MALRD1: variants seen among roughly 807,000 people sequenced by gnomAD.
The protein encoded by MALRD1 is MAM and LDL-receptor class A domain-containing protein 1.
A neutral mutation model predicts 242.1 loss-of-function variants in MALRD1; 247 were observed. The ratio of observed to expected loss-of-function variants is 1.02; its 90% CI spans 0.92 to 1.13. The LOEUF is 1.13. MALRD1 is among the 50% of genes most tolerant of loss of function. MALRD1 has a pLI of 0.00. For synonymous variants in MALRD1, 995 were observed against 866.6 expected, an observed-to-expected ratio of 1.15 and a Z score of -2.60; for missense variants, 2,989 against 2,533.1, an observed-to-expected ratio of 1.18 and a Z score of -3.86.
At chr10:19,101,185 C>CTTATTTAACAT (rs916130321) in intron 4 of MALRD1, among the ~76,000 whole-genome samples, 2 of 150,352 alleles carry the variant, frequency 1.3e-5, no homozygotes, top group African/African-American at 2.4e-5. Flanking sequence ...ATAAGTTCTC[C>CTTATTTAACAT]AAGGTCCTGT....
chr10:19,600,217 A>G (rs1216698077), intron 34 of MALRD1, among the ~76,000 whole-genome samples: 2 of 152,160 alleles, frequency 1.3e-5, no homozygotes, highest in African/African-American at 2.4e-5. Flanking sequence ...TGATCCCAAC[A>G]TCCGATAGTG....
At position 19,369,178 on chromosome 10, in the gene MALRD1, AAT is replaced by A. The variant is rs564955446; in HGVS notation, c.4441+16886_4441+16887del. ...ATAAACTAATATTTATATATAAACTAATATATTATATATAAGCTAATATTTAA... is the reference window on the plus strand; with the variant it reads ...ATAAACTAATATTTATATATAAACTAATATTATATATAAGCTAATATTTAA... On this transcript the variant is annotated intron_variant, in intron 26 of 39. Transcript: ENST00000454679. Among the ~76,000 whole-genome samples, 640 of 89,628 alleles carry A rather than the reference AAT, an allele frequency of 7.1e-3. 5 individuals are homozygous for A. The highest frequency in any genetic ancestry group is 0.026 in the African/African-American group (610 of 23,112). The allele number at this position is 89,628 out of a possible 152,430, so 58.8% of individuals were successfully genotyped here.
intron 36 of MALRD1, among the ~76,000 whole-genome samples, chr10:19,629,143 G>A (rs901973293): frequency 6.6e-6 from 1 of 152,122 alleles, no homozygotes; most frequent in African/African-American, 2.4e-5. Context: ...AGCAAGCCTC[G>A]TGATATGTTT....
intron 33 of MALRD1, among the ~76,000 whole-genome samples, chr10:19,580,853 A>G (rs1281640944): frequency 6.6e-6 from 1 of 152,262 alleles, no homozygotes; most frequent in East Asian, 1.9e-4. Context: ...TGGCCAAACA[A>G]GCCTTCCTGA....
At chr10:19,412,248 G>A (rs1457947610) in intron 28 of MALRD1, among the ~76,000 whole-genome samples, 9 of 152,284 alleles carry the variant, frequency 5.9e-5, no homozygotes, top group African/African-American at 1.4e-4. Flanking sequence ...CCGAAATCAC[G>A]CCATTGCACT....
chr10:19,638,246 T>C (rs1840234693), intron 36 of MALRD1, among the ~76,000 whole-genome samples: 1 of 152,208 alleles, frequency 6.6e-6, no homozygotes, highest in African/African-American at 2.4e-5. Flanking sequence ...TGCCAAAGGC[T>C]ACTTTTTTTC....
intron 2 of MALRD1, among the ~76,000 whole-genome samples, chr10:19,085,896 G>A (rs970723940): frequency 3.4e-4 from 51 of 151,914 alleles, no homozygotes; most frequent in African/African-American, 1.1e-3. Flanking sequence ...ATTTAGAGCC[G>A]ACTGAATGCT....
chr10:19,270,334 T>TCACA lies in MALRD1; in HGVS notation c.3080-9712_3080-9711insACAC, dbSNP rs1295856463. On this transcript the variant is annotated intron_variant, in intron 19 of 39. Transcript: ENST00000454679. The stretch of plus-strand genomic sequence containing the variant: ...TCTCTCTCTTCTCTCTCTCTCTCTC[T>TCACA]CTCACACACACACACACACACACAC... Among the ~76,000 whole-genome samples the TCACA allele has an allele frequency of 2.4e-3, 179 of 75,706 alleles. 2 individuals carry two copies. The highest frequency in any genetic ancestry group is 0.012 in the South Asian group (25 of 2,130). 49.7% of individuals were successfully genotyped at this position (75,706 alleles called of 152,430 possible). A position where few individuals can be genotyped will look rare whatever the true frequency, so the allele number is the denominator to read the frequency against.
chr10:19,218,956 A>G (rs1314153505), intron 18 of MALRD1, among the ~76,000 whole-genome samples: 1 of 152,140 alleles, frequency 6.6e-6, no homozygotes, highest in African/African-American at 2.4e-5. Context: ...TTTTCTAATA[A>G]GATTACAAGT....
intron 29 of MALRD1, among the ~76,000 whole-genome samples, chr10:19,460,581 A>T (rs1564361989): frequency 6.6e-6 from 1 of 152,186 alleles, no homozygotes; most frequent in Non-Finnish European, 1.5e-5. Context: ...CTAGTTACCC[A>T]GCACTAATAT....
At chr10:19,262,329 C>T (rs11009171) in intron 19 of MALRD1, among the ~76,000 whole-genome samples, 12,808 of 145,700 alleles carry the variant, frequency 0.088, 728 homozygotes, top group African/African-American at 0.16. Flanking sequence ...TCTCTAACCT[C>T]GTGTAGTTAC....
intron 31 of MALRD1, among the ~76,000 whole-genome samples, chr10:19,502,579 T>A (rs1462585076): frequency 1.3e-5 from 2 of 152,190 alleles, no homozygotes; most frequent in Non-Finnish European, 2.9e-5. Context: ...TAGATGGAAC[T>A]TTTTTACTTC....
chr10:19,525,101 G>C (rs562078294), intron 31 of MALRD1, among the ~76,000 whole-genome samples: 1 of 148,742 alleles, frequency 6.7e-6, no homozygotes, highest in Non-Finnish European at 1.5e-5. Flanking sequence ...TTTCAGTAGA[G>C]ACGGGGTTTC....
At chr10:19,487,392 C>G (rs910620519) in intron 29 of MALRD1, among the ~76,000 whole-genome samples, 2 of 150,096 alleles carry the variant, frequency 1.3e-5, no homozygotes, top group Non-Finnish European at 3.0e-5. Flanking sequence ...CCTAATATTT[C>G]ATAGATATTC....
intron 1 of MALRD1, among the ~76,000 whole-genome samples, chr10:19,062,070 A>G (rs1050137447): frequency 1.3e-5 from 2 of 151,458 alleles, no homozygotes; most frequent in African/African-American, 4.9e-5. Context: ...ACAGCTCAAC[A>G]ACAACAACAA....
intron 13 of MALRD1, among the ~76,000 whole-genome samples, chr10:19,171,420 T>TA (rs1366517677): frequency 4.9e-5 from 2 of 41,210 alleles, no homozygotes; most frequent in African/African-American, 8.7e-5. Flanking sequence ...ACATTTTATA[T>TA]TTTATATACA....
At chr10:19,586,886 G>T (rs572693589) in intron 33 of MALRD1, among the ~76,000 whole-genome samples, 89 of 152,342 alleles carry the variant, frequency 5.8e-4, no homozygotes, top group African/African-American at 1.7e-3. Context: ...AGACTCCGTG[G>T]GCCTAGGACA....
chr10:19,223,591 A>C (rs936754404), intron 18 of MALRD1, among the ~76,000 whole-genome samples: 1 of 152,200 alleles, frequency 6.6e-6, no homozygotes, highest in African/African-American at 2.4e-5. Context: ...ATACATATGC[A>C]GAACTTGCAG....
intron 28 of MALRD1, 116 bp downstream of exon 28, chr10:19,389,725 C>G: frequency 8.8e-7 from 1 of 1,132,176 alleles, no homozygotes; most frequent in Non-Finnish European, 1.2e-6. Context: ...CTGCAGCCTC[C>G]AACTCCTGGA....
Sources: allele counts gnomAD v4.1 joint callset (sites outside exome capture counted in the v4.1 genomes callset), GRCh38; gene constraint gnomAD v4.1.1; transcripts MANE v1.5; gene names NCBI Gene and HGNC (gene_info 2026-07-23, HGNC 2026-07-21).